SYNPO: variants seen among roughly 807,000 people sequenced by gnomAD.
SYNPO encodes the protein synaptopodin.
Under a neutral mutation model 49.5 loss-of-function variants are expected in SYNPO, and 19 were observed. That is an observed-to-expected ratio of 0.38 (90% confidence interval 0.27 to 0.56). SYNPO has a LOEUF of 0.56. SYNPO is among the 20% of genes least tolerant of loss of function. SYNPO has a pLI of 0.68. For missense variants in SYNPO, 1,131 were observed against 1,248.3 expected, an observed-to-expected ratio of 0.91 and a Z score of 1.42; for synonymous variants, 536 against 548.0, an observed-to-expected ratio of 0.98 and a Z score of 0.31.
chr5:150,654,823 A>G (rs1351712957), intron 2 of SYNPO, among the ~76,000 whole-genome samples: 3 of 152,218 alleles, frequency 2.0e-5, no homozygotes, highest in Non-Finnish European at 2.9e-5. Flanking sequence ...TCTTTCCCTA[A>G]GTCCAACTTT....
Position 150,658,066 on chromosome 5 carries a change from CAA to C in SYNPO, c.*981_*982del, listed in dbSNP as rs1274600128. ...GGTTGCTTATTGGGAAAGAGAGAGA[CAA>C]AGAGTTACTTGTTACGGGAAATATG... On this transcript the variant is annotated 3_prime_UTR_variant, in exon 3 of 3. Transcript: ENST00000307662. The C allele has an allele frequency of 1.3e-5, 2 of 152,294 alleles. No homozygotes were observed. The highest frequency in any genetic ancestry group is 1.3e-4 in the Admixed American group (2 of 15,270). The allele number at this position is 152,294 out of a possible 1,614,324, so 9.4% of individuals were successfully genotyped here. A position where few individuals can be genotyped will look rare whatever the true frequency, so the allele number is the denominator to read the frequency against.
Position 150,657,430 on chromosome 5 carries a change from TCTCACA to T in SYNPO, c.*345_*350del, listed in dbSNP as rs775205259. On this transcript the variant is annotated 3_prime_UTR_variant, in exon 3 of 3. Coordinates refer to ENST00000307662, the MANE Select transcript of SYNPO (RefSeq NM_007286.6). ...CACTCTCTCTTTCTCTCTCTCTCTC[TCTCACA>T]CACACACACACACACACACACACAC... 4.1e-3 allele frequency: 646 copies of T among 157,242 alleles called. 2 individuals carry two copies. Among genetic ancestry groups the T allele is most frequent in the African/African-American group, 9.1e-3 (215 of 23,622 alleles). The allele number at this position is 157,242 out of a possible 1,614,324, so 9.7% of individuals were successfully genotyped here.
intron 1 of SYNPO, among the ~76,000 whole-genome samples, chr5:150,605,560 A>C (rs1295363154): frequency 6.6e-6 from 1 of 152,170 alleles, no homozygotes; most frequent in Non-Finnish European, 1.5e-5. Flanking sequence ...TTACCCGGAC[A>C]GGGCCTCCTT....
chr5:150,656,462 C>A lies in SYNPO; in HGVS notation c.2087C>A (p.Pro696His), dbSNP rs1244756063. 7.8e-6 allele frequency: 12 copies of A among 1,532,948 alleles called. No homozygotes were observed. Among genetic ancestry groups the A allele is most frequent in the Non-Finnish European group, 1.0e-5 (12 of 1,145,596 alleles). The allele number at this position is 1,532,948 out of a possible 1,614,324, so 95.0% of individuals were successfully genotyped here. A position where few individuals can be genotyped will look rare whatever the true frequency, so the allele number is the denominator to read the frequency against. The change falls in exon 3 of 3, where the codon CCC becomes CAC. Residue 696 changes from proline (P) to histidine (H), a missense_variant. By Grantham distance (77) the Pro-to-His change is moderately conservative. Coordinates refer to ENST00000307662, the MANE Select transcript of SYNPO (RefSeq NM_007286.6). The stretch of plus-strand genomic sequence containing the variant: ...TGGACGCCGGGCGCGTCCCGGCCCC[C>A]CAGCAGCCTAGACGGCTGGGTGAGC... ...PPWTPGASRP[P>H]SSLDGWVSPG...
chr5:150,624,586 G>C (rs1757283107), intron 2 of SYNPO: 1 of 152,052 alleles, frequency 6.6e-6, no homozygotes, highest in Non-Finnish European at 1.5e-5. Flanking sequence ...GGCTGAGCGG[G>C]TGGAGGAGGG....
In SYNPO at chr5:150,658,196, T is replaced by A. The variant is rs1758641768; in HGVS notation, c.*1109T>A. The A allele has an allele frequency of 6.6e-6, 1 of 152,240 alleles. No homozygotes were observed. The highest frequency in any genetic ancestry group is 1.5e-5 in the Non-Finnish European group (1 of 68,050). The allele number at this position is 152,240 out of a possible 1,614,324, so 9.4% of individuals were successfully genotyped here. A position where few individuals can be genotyped will look rare whatever the true frequency, so the allele number is the denominator to read the frequency against. On this transcript the variant is annotated 3_prime_UTR_variant, in exon 3 of 3. Coordinates refer to ENST00000307662, the MANE Select transcript of SYNPO (RefSeq NM_007286.6). ...AGTCTTGAAATGCATTCCATGATAT[T>A]AGGAAGTCGGGGGTGGGTGGTGGTG... is the stretch of plus-strand genomic sequence containing the variant.
At chr5:150,635,780 T>C (rs943391556), upstream of SYNPO, among the ~76,000 whole-genome samples, 1 of 152,202 alleles carries the variant, frequency 6.6e-6, no homozygotes. Context: ...TTCTTATTCG[T>C]GTCCTACCTC....
At chr5:150,650,879 G>A in intron 2 of SYNPO, 1 of 1,257,910 alleles carries the variant, frequency 7.9e-7, no homozygotes, top group Non-Finnish European at 1.0e-6. Flanking sequence ...CTGCCTTCTG[G>A]ACACCGTTTC....
At position 150,648,332 on chromosome 5, in the gene SYNPO, T is replaced by C; in HGVS notation, c.57T>C (p.Ser19=). 2 of 1,614,030 alleles carry C rather than the reference T, an allele frequency of 1.2e-6. No individual in the cohort carries two copies. The highest frequency in any genetic ancestry group is 1.7e-6 in the Non-Finnish European group (2 of 1,179,980). The change falls in exon 2 of 3, where the codon AGT becomes AGC. Residue 19 remains serine (S), a synonymous_variant. Transcript: ENST00000307662. This position sits in a 1 kb window ranked among gnomAD's most constrained non-coding sequence, Gnocchi z 5.0. The part of the protein sequence containing the change: ...SLLRHLEKVA[S]EEEEVPLVVY... The stretch of plus-strand genomic sequence containing the variant: ...TGCGGCACCTGGAGAAGGTGGCCAG[T>C]GAGGAGGAAGAGGTACCACTGGTGG...
intron 1 of SYNPO, among the ~76,000 whole-genome samples, chr5:150,646,924 T>C (rs1350078895): frequency 6.6e-6 from 1 of 152,086 alleles, no homozygotes; most frequent in East Asian, 1.9e-4. Flanking sequence ...CAGGTGCTGT[T>C]CTAGGGGCTG....
At chr5:150,588,008 A>G in the SYNPO span, among the ~76,000 whole-genome samples, 4 of 152,332 alleles carry the variant, frequency 2.6e-5, no homozygotes, top group South Asian at 6.2e-4. Flanking sequence ...TCAAAGCCCA[A>G]TAGAGTTGTC....
intron 2 of SYNPO, among the ~76,000 whole-genome samples, chr5:150,625,432 G>A (rs1397005609): frequency 6.6e-6 from 1 of 152,214 alleles, no homozygotes; most frequent in African/African-American, 2.4e-5. Flanking sequence ...GGGCTCTGGG[G>A]TCTGGCTGTG....
chr5:150,648,683 C>G lies in SYNPO; in HGVS notation c.408C>G (p.Thr136=), dbSNP rs199584252. 2.7e-5 allele frequency: 44 copies of G among 1,614,080 alleles called. No homozygotes were observed. Among genetic ancestry groups the G allele is most frequent in the Admixed American group, 1.0e-4 (6 of 60,004 alleles). The change falls in exon 2 of 3, where the codon ACC becomes ACG. Residue 136 remains threonine (T), a synonymous_variant. Transcript: ENST00000307662. The surrounding 1 kb of genome is among the most constrained non-coding windows in gnomAD (Gnocchi z 5.0). ...CAGGGCCTGCTTCCAAACCCAGCAC[C>G]CTGTGTGCTGATGGGCAACCCCAGG... is the stretch of plus-strand genomic sequence containing the variant. The part of the protein sequence containing the change: ...NGTGPASKPS[T]LCADGQPQAP...
At chr5:150,651,639 A>T in intron 2 of SYNPO, 1 of 1,002,022 alleles carries the variant, frequency 1.0e-6, no homozygotes. Context: ...TGGGGACAGT[A>T]GGAGCATGGC....
rs546332661 is a variant in SYNPO at position 150,631,662 on chromosome 5, T to C, written c.400+12895T>C. 1.9e-4 allele frequency among the ~76,000 whole-genome samples: 29 copies of C among 152,130 alleles called. No homozygotes were observed. In the South Asian group the frequency reaches 6.0e-3, roughly 32 times the overall value. On this transcript the variant is annotated intron_variant, in intron 2 of 2. Transcript: ENST00000394243. ...GCTGATCTAGGAGGTGGGTCTTTGC[T>C]CCTTTCCTTTCCTCTTTCCCTTGGA... is the stretch of plus-strand genomic sequence containing the variant.
At chr5:150,643,414 C>A (rs1430400197) in intron 1 of SYNPO, among the ~76,000 whole-genome samples, 1 of 152,232 alleles carries the variant, frequency 6.6e-6, no homozygotes. Context: ...GCTACTATTG[C>A]TGCAACTGTG....
At chr5:150,646,683 T>C (rs1309461095) in intron 1 of SYNPO, among the ~76,000 whole-genome samples, 2 of 151,750 alleles carry the variant, frequency 1.3e-5, no homozygotes, top group Non-Finnish European at 2.9e-5. Flanking sequence ...TGAGATCTCA[T>C]CATTGCACTC....
At chr5:150,615,655 G>A (rs1756965335) in intron 1 of SYNPO, among the ~76,000 whole-genome samples, 1 of 152,224 alleles carries the variant, frequency 6.6e-6, no homozygotes, top group African/African-American at 2.4e-5. Flanking sequence ...GAGTGCTGCT[G>A]GCCTTTGTGA....
At chr5:150,636,096 C>T (rs1757707123), upstream of SYNPO, among the ~76,000 whole-genome samples, 1 of 152,176 alleles carries the variant, frequency 6.6e-6, no homozygotes, top group African/African-American at 2.4e-5. Flanking sequence ...CGAATGCAAG[C>T]AGAGATTTTA....
Sources: gnomAD v4.1 joint callset for allele counts (sites outside exome capture counted in the v4.1 genomes callset) on GRCh38, gnomAD v4.1.1 for gene constraint, Gnocchi (gnomAD v3.1) non-coding constraint, MANE v1.5 for transcripts, NCBI Gene and HGNC (gene_info 2026-07-23, HGNC 2026-07-21) for gene names.